PVT1: variants seen among roughly 807,000 people sequenced by gnomAD.
The protein encoded by PVT1 is CXCR4/PVT1 fusion.
At chr8:127,827,092 T>C (rs764701084) in intron 2 of PVT1, among the ~76,000 whole-genome samples, 3 of 150,354 alleles carry the variant, frequency 2.0e-5, no homozygotes, top group Non-Finnish European at 4.4e-5. Context: ...GCCTCCTGGG[T>C]TCGAGCGATT....
At chr8:127,883,875 G>A (rs1181793803) in intron 2 of PVT1, among the ~76,000 whole-genome samples, 2 of 152,166 alleles carry the variant, frequency 1.3e-5, no homozygotes, top group African/African-American at 4.8e-5. Context: ...GTGAGGCAGT[G>A]GGGCGTGAGA....
At chr8:127,919,853 A>G (rs1186176718) in intron 3 of PVT1, among the ~76,000 whole-genome samples, 1 of 152,174 alleles carries the variant, frequency 6.6e-6, no homozygotes, top group African/African-American at 2.4e-5. Flanking sequence ...CTTCTGCTCT[A>G]CATTTTGTGC....
intron 2 of PVT1, among the ~76,000 whole-genome samples, chr8:127,851,354 G>T (rs1343214148): frequency 2.6e-5 from 4 of 152,212 alleles, no homozygotes; most frequent in Admixed American, 6.5e-5. Context: ...TGGAATTAGA[G>T]AATCTTGAGT....
At chr8:128,077,397 T>C (rs191905613) in intron 5 of PVT1, among the ~76,000 whole-genome samples, 14 of 152,254 alleles carry the variant, frequency 9.2e-5, no homozygotes, top group Non-Finnish European at 1.8e-4. Flanking sequence ...AGCATCTGCT[T>C]CCTAACCTGC....
At chr8:127,890,317 C>T (rs1239180616) in intron 2 of PVT1, among the ~76,000 whole-genome samples, 3 of 152,190 alleles carry the variant, frequency 2.0e-5, no homozygotes, top group Non-Finnish European at 2.9e-5. Flanking sequence ...AATGGATGCC[C>T]CCCAGCCTCC....
intron 4 of PVT1, among the ~76,000 whole-genome samples, chr8:127,998,841 T>C (rs1817139995): frequency 6.9e-6 from 1 of 144,164 alleles, no homozygotes; most frequent in Non-Finnish European, 1.5e-5. Flanking sequence ...CCTTCCTTCC[T>C]TCCTTCCCTC....
intron 2 of PVT1, among the ~76,000 whole-genome samples, chr8:127,864,484 C>T (rs529316649): frequency 1.7e-3 from 255 of 152,238 alleles, no homozygotes; most frequent in Non-Finnish European, 3.2e-3. Flanking sequence ...TCCCACCCCT[C>T]GCTCCTTCTC....
chr8:127,896,937 G>A (rs1399070214), intron 3 of PVT1, among the ~76,000 whole-genome samples: 3 of 152,082 alleles, frequency 2.0e-5, no homozygotes, highest in African/African-American at 7.2e-5. Context: ...CCTCCACCTG[G>A]GGGCTGGGCG....
intron 3 of PVT1, among the ~76,000 whole-genome samples, chr8:127,920,048 T>C (rs1328645846): frequency 6.6e-6 from 1 of 152,202 alleles, no homozygotes; most frequent in African/African-American, 2.4e-5. Context: ...GTTCATGTTC[T>C]AGCCACACAG....
intron 3 of PVT1, among the ~76,000 whole-genome samples, chr8:127,914,574 G>T (rs749709367): frequency 6.6e-6 from 1 of 152,020 alleles, no homozygotes; most frequent in Non-Finnish European, 1.5e-5. Context: ...GTCTGTCCGC[G>T]GAAGAATAGC....
intron 3 of PVT1, chr8:127,932,781 TCTGA>T (rs1367851532): frequency 3.8e-5 from 12 of 313,012 alleles, no homozygotes; most frequent in Non-Finnish European, 6.9e-5. Context: ...TATACACATC[TCTGA>T]CTGTACATAC....
chr8:127,939,232 G>T (rs1816315062), intron 3 of PVT1, among the ~76,000 whole-genome samples: 1 of 152,160 alleles, frequency 6.6e-6, no homozygotes. Flanking sequence ...ACAAAGGTGG[G>T]GCTGTGGCCC....
At position 128,006,609 on chromosome 8, in the gene PVT1, T is replaced by A. The variant is rs963383466; in HGVS notation, n.912+17318T>A. 2.6e-5 allele frequency among the ~76,000 whole-genome samples: 4 copies of A among 152,354 alleles called. No individual in the cohort carries two copies. The South Asian group carries it at 8.3e-4, about 32-fold the overall frequency. On this transcript the variant is annotated intron_variant and non_coding_transcript_variant, in intron 4 of 10. Coordinates refer to ENST00000651587, the Ensembl canonical transcript of PVT1. Reference sequence around the variant, plus strand: ...TTTTAGCATTCGTGGATAATTCTTGTCTGAAACAGTTATTACTACAGTGTG... The same window carrying A: ...TTTTAGCATTCGTGGATAATTCTTGACTGAAACAGTTATTACTACAGTGTG...
At position 128,042,733 on chromosome 8, in the gene PVT1, G is replaced by GATTTATTTTA. The variant is rs1563673627; in HGVS notation, n.913-27427_913-27426insATTTATTTTA. 4.6e-3 allele frequency among the ~76,000 whole-genome samples: 363 copies of GATTTATTTTA among 78,234 alleles called. 1 individual carries two copies. Among genetic ancestry groups the GATTTATTTTA allele is most frequent in the African/African-American group, 0.015 (349 of 23,306 alleles). The allele number at this position is 78,234 out of a possible 152,430, so 51.3% of individuals were successfully genotyped here. On this transcript the variant is annotated intron_variant and non_coding_transcript_variant, in intron 4 of 10. Coordinates refer to ENST00000651587, the Ensembl canonical transcript of PVT1. ...CATCTATGAGGAGATTGGACTAGGT[G>GATTTATTTTA]GTTTATTTTATTTTATTTTATTTTA... is the stretch of plus-strand genomic sequence containing the variant.
At chr8:127,988,775 G>A (rs1271362023) in intron 3 of PVT1, among the ~76,000 whole-genome samples, 1 of 152,202 alleles carries the variant, frequency 6.6e-6, no homozygotes, top group East Asian at 1.9e-4. Context: ...GGGTTATTGG[G>A]TGTGTTTCTT....
At chr8:128,053,017 G>C (rs1325317150) in intron 4 of PVT1, among the ~76,000 whole-genome samples, 1 of 152,174 alleles carries the variant, frequency 6.6e-6, no homozygotes, top group Non-Finnish European at 1.5e-5. Context: ...CCCCAGCAAA[G>C]ATGCTCAGCA....
At chr8:128,053,885 C>A (rs185199722) in intron 4 of PVT1, among the ~76,000 whole-genome samples, 1 of 152,232 alleles carries the variant, frequency 6.6e-6, no homozygotes, top group Admixed American at 6.5e-5. Flanking sequence ...CAGCTGGTTC[C>A]GTCCTTGTAT....
intron 4 of PVT1, among the ~76,000 whole-genome samples, chr8:128,013,593 G>A (rs1272663163): frequency 6.6e-6 from 1 of 152,196 alleles, no homozygotes; most frequent in Non-Finnish European, 1.5e-5. Flanking sequence ...GAACTTTGAA[G>A]AGGACAGATG....
At chr8:128,036,136 G>C (rs1401520805) in intron 4 of PVT1, among the ~76,000 whole-genome samples, 1 of 152,196 alleles carries the variant, frequency 6.6e-6, no homozygotes, top group Non-Finnish European at 1.5e-5. Context: ...GATCCCTGGA[G>C]TCCCAGTGCT....
Sources: allele counts gnomAD v4.1 joint callset (sites outside exome capture counted in the v4.1 genomes callset), GRCh38; gene constraint gnomAD v4.1.1; transcripts MANE v1.5; gene names NCBI Gene and HGNC (gene_info 2026-07-23, HGNC 2026-07-21).